Variants in RHEB observed in about 807,000 individuals in gnomAD.
RHEB encodes the protein Ras homolog, mTORC1 binding.
In RHEB, 2 loss-of-function variants were observed where a neutral mutation model predicts 28.8. The observed-to-expected ratio is 0.07, with a 90% confidence interval of 0.03 to 0.22. The LOEUF is 0.22. RHEB is among the 10% of genes least tolerant of loss of function. The probability of loss-of-function intolerance (pLI) is 1.00; values close to 1 mark genes in which losing one functional copy is unlikely to be tolerated. For synonymous variants in RHEB, 69 were observed against 77.3 expected, an observed-to-expected ratio of 0.89 and a Z score of 0.56; for missense variants, 76 against 219.9, an observed-to-expected ratio of 0.35 and a Z score of 4.14.
At position 151,494,270 on chromosome 7, in the gene RHEB, C is replaced by A. The variant is rs749039424; in HGVS notation, c.53-3256G>T. Among the ~76,000 whole-genome samples the A allele has an allele frequency of 1.1e-3, 168 of 152,336 alleles. 1 individual carries two copies. Among genetic ancestry groups the A allele is most frequent in the South Asian group, 1.7e-3 (8 of 4,830 alleles). ...TCCCCAAGCACTGGGCAACCAGGAA[C>A]CCCTGGATCAGACAGTCCTCTGAAC... is the stretch of plus-strand genomic sequence containing the variant. On this transcript the variant is annotated intron_variant, in intron 1 of 7. Coordinates refer to ENST00000262187, the MANE Select transcript of RHEB (RefSeq NM_005614.4).
At chr7:151,491,134 A>G in intron 1 of RHEB, 120 bp from the exon 2 acceptor site, 1 of 646,558 alleles carries the variant, frequency 1.5e-6, no homozygotes, top group Non-Finnish European at 2.7e-6. Flanking sequence ...GGGTCAGAAA[A>G]CATTCATTTA....
chr7:151,490,106 C>T (rs1293773378), intron 2 of RHEB, among the ~76,000 whole-genome samples: 1 of 152,154 alleles, frequency 6.6e-6, no homozygotes, highest in Non-Finnish European at 1.5e-5. Flanking sequence ...AGACCAGCTT[C>T]CCTGCTTCAG....
intron 3 of RHEB, among the ~76,000 whole-genome samples, chr7:151,480,368 G>A (rs936260909): frequency 6.6e-6 from 1 of 151,908 alleles, no homozygotes; most frequent in African/African-American, 2.4e-5. Flanking sequence ...CCAAGAGGGA[G>A]ATGTATTACT....
chr7:151,484,715 T>C, intron 3 of RHEB, 22 bp downstream of exon 3: 1 of 1,552,746 alleles, frequency 6.4e-7, no homozygotes, highest in Non-Finnish European at 8.9e-7. Flanking sequence ...TATAAGATTC[T>C]GAGATACCAG....
intron 1 of RHEB, chr7:151,498,036 G>T: frequency 1.9e-6 from 2 of 1,030,780 alleles, no homozygotes; most frequent in Non-Finnish European, 2.7e-6. Flanking sequence ...CCATGAAGAT[G>T]AATGCACCTT....
At chr7:151,487,157 C>T (rs1404987118) in intron 2 of RHEB, among the ~76,000 whole-genome samples, 12 of 152,168 alleles carry the variant, frequency 7.9e-5, no homozygotes, top group Admixed American at 5.2e-4. Flanking sequence ...GGAAAAACTG[C>T]TCCAGCGTGG....
intron 4 of RHEB, chr7:151,471,869 A>G: frequency 2.4e-6 from 1 of 409,038 alleles, no homozygotes; most frequent in Non-Finnish European, 4.3e-6. Context: ...CTGAGAAACC[A>G]CATAAATGCA....
At chr7:151,473,235 G>A (rs1174164688) in intron 4 of RHEB, among the ~76,000 whole-genome samples, 2 of 149,214 alleles carry the variant, frequency 1.3e-5, no homozygotes, top group East Asian at 1.9e-4. Context: ...CTGCCCCAAT[G>A]AAGTGAAGCA....
intron 2 of RHEB, among the ~76,000 whole-genome samples, chr7:151,488,146 A>T (rs1428780295): frequency 6.6e-6 from 1 of 152,244 alleles, no homozygotes; most frequent in Non-Finnish European, 1.5e-5. Context: ...GCTTAATTTC[A>T]GCCTATCAAT....
rs1802188261 is a variant in RHEB, at chr7:151,472,862, G to A, written c.276-1257C>T. Among the ~76,000 whole-genome samples, 1 of 152,210 alleles carries A rather than the reference G, an allele frequency of 6.6e-6. No homozygotes were observed. Among genetic ancestry groups the A allele is most frequent in the Admixed American group, 6.5e-5 (1 of 15,280 alleles). ...TGAAATTTAACCCCCCTACAAGCTC[G>A]CTGTGGGTCAACAAATGGGATATGG... On this transcript the variant is annotated intron_variant, in intron 4 of 7. Transcript: ENST00000262187. The surrounding 1 kb of genome is among the most constrained non-coding windows in gnomAD (Gnocchi z 5.2).
rs1322136687 is a variant in RHEB, at chr7:151,478,396, AAAAAG to A, written c.193-986_193-982del. On this transcript the variant is annotated intron_variant, in intron 3 of 7. Transcript: ENST00000262187. ...GGTAAAGTTCTTTAAAGAAAAAAAA[AAAAAG>A]AAAAGAAAAATTAAGTTTTATTATA... 7.3e-3 allele frequency among the ~76,000 whole-genome samples: 1,114 copies of A among 151,792 alleles called. 17 individuals carry two copies. The highest frequency in any genetic ancestry group is 0.025 in the African/African-American group (1,022 of 41,434).
intron 4 of RHEB, among the ~76,000 whole-genome samples, chr7:151,476,336 A>G (rs1047197188): frequency 1.3e-5 from 2 of 152,226 alleles, no homozygotes; most frequent in East Asian, 1.9e-4. Flanking sequence ...AAATGGGGCT[A>G]CTGTAACCGA....
chr7:151,507,662 T>A (rs1563100929), intron 1 of RHEB, among the ~76,000 whole-genome samples: 1 of 152,072 alleles, frequency 6.6e-6, no homozygotes, highest in African/African-American at 2.4e-5. Context: ...TCCCCAATTT[T>A]AAAAATAGAT....
At chr7:151,511,670 T>C (rs1045050936) in intron 1 of RHEB, among the ~76,000 whole-genome samples, 3 of 152,108 alleles carry the variant, frequency 2.0e-5, no homozygotes, top group African/African-American at 7.2e-5. Flanking sequence ...ATTTCTTTTT[T>C]TTTTTTTGAG....
chr7:151,468,144 T>C lies in RHEB; in HGVS notation c.463-933A>G, dbSNP rs1374215617. ...CCCCTCCCCCATCACTCCAGTGACT[T>C]CCACTATCCCACGAAACCAGAACAC... On this transcript the variant is annotated intron_variant, in intron 7 of 7. Coordinates refer to ENST00000262187, the MANE Select transcript of RHEB (RefSeq NM_005614.4). This position sits in a 1 kb window ranked among gnomAD's most constrained non-coding sequence, Gnocchi z 4.3. 6.6e-6 allele frequency among the ~76,000 whole-genome samples: 1 copy of C among 151,962 alleles called. No individual in the cohort carries two copies. Among genetic ancestry groups the C allele is most frequent in the Non-Finnish European group, 1.5e-5 (1 of 67,972 alleles).
At chr7:151,513,907 C>G (rs1803032248) in intron 1 of RHEB, among the ~76,000 whole-genome samples, 1 of 152,028 alleles carries the variant, frequency 6.6e-6, no homozygotes, top group South Asian at 2.1e-4. Context: ...CAATCTAGTC[C>G]TAAAATTCAA....
chr7:151,519,356 C>T (rs1803139976), intron 1 of RHEB, 104 bp downstream of exon 1: 2 of 822,316 alleles, frequency 2.4e-6, no homozygotes, highest in Non-Finnish European at 3.2e-6. Context: ...GCCCGCCCCG[C>T]CACATGGCCG....
chr7:151,494,940 C>CGG (rs1389152785), intron 1 of RHEB, among the ~76,000 whole-genome samples: 2 of 152,200 alleles, frequency 1.3e-5, no homozygotes, highest in African/African-American at 4.8e-5. Context: ...ATAAACCCCA[C>CGG]CGCTCATTTT....
chr7:151,495,653 T>TA (rs1802659536), intron 1 of RHEB, among the ~76,000 whole-genome samples: 1 of 152,164 alleles, frequency 6.6e-6, no homozygotes, highest in African/African-American at 2.4e-5. Flanking sequence ...CTTATTCTCC[T>TA]AAAAAATAAC....
Sources: allele counts gnomAD v4.1 joint callset (sites outside exome capture counted in the v4.1 genomes callset), GRCh38; gene constraint gnomAD v4.1.1; non-coding constraint Gnocchi (gnomAD v3.1); transcripts MANE v1.5; gene names NCBI Gene and HGNC (gene_info 2026-07-23, HGNC 2026-07-21).